The following HECW1 variants were observed in gnomAD, a reference collection of about 807,000 sequenced individuals.
HECW1 encodes HECT, C2 and WW domain containing E3 ubiquitin protein ligase 1, also known as E3 ubiquitin-protein ligase HECW1.
Under a neutral mutation model 182.3 loss-of-function variants are expected in HECW1, and 61 were observed. The observed-to-expected ratio is 0.33, with a 90% confidence interval of 0.27 to 0.41. HECW1 has a LOEUF of 0.41. HECW1 is among the 10% of genes least tolerant of loss of function. The pLI, the probability that HECW1 is intolerant of heterozygous loss-of-function variation, is 1.00. For missense variants in HECW1, 1,739 were observed against 2,108.9 expected (o/e 0.82, Z 3.44); for synonymous variants, 859 against 832.6 (o/e 1.03, Z -0.55).
chr7:43,497,709 T>A (rs2079173735), intron 19 of HECW1, among the ~76,000 whole-genome samples: 1 of 152,040 alleles, frequency 6.6e-6, no homozygotes, highest in Non-Finnish European at 1.5e-5. Context: ...ATACTGTGGA[T>A]GCAAAAACAA....
chr7:43,188,249 A>G (rs1297248516), intron 2 of HECW1, among the ~76,000 whole-genome samples: 1 of 152,220 alleles, frequency 6.6e-6, no homozygotes, highest in Non-Finnish European at 1.5e-5. Flanking sequence ...CCACAGATCA[A>G]CTAGCAATCT....
intron 3 of HECW1, among the ~76,000 whole-genome samples, chr7:43,292,689 A>G (rs865884279): frequency 6.6e-6 from 1 of 152,188 alleles, no homozygotes; most frequent in East Asian, 1.9e-4. Context: ...TCTTCCATTC[A>G]GCACATGTCA....
At chr7:43,274,129 G>A (rs758190631) in intron 3 of HECW1, 12 of 398,152 alleles carry the variant, frequency 3.0e-5, no homozygotes, top group Admixed American at 1.3e-4. Flanking sequence ...GGAGAAAAGC[G>A]CGGGTGGCGG....
chr7:43,158,482 AT>A (rs1379079396), intron 2 of HECW1, among the ~76,000 whole-genome samples: 2 of 152,186 alleles, frequency 1.3e-5, no homozygotes, highest in Non-Finnish European at 2.9e-5. Flanking sequence ...TCCTACAAGC[AT>A]TTTTTCATGC....
chr7:43,557,577 T>C lies in HECW1; in HGVS notation c.4709+2787T>C, dbSNP rs372208054. Among the ~76,000 whole-genome samples, 6 of 152,332 alleles carry C rather than the reference T, an allele frequency of 3.9e-5. No individual in the cohort carries two copies. The South Asian group carries it at 1.2e-3, about 32-fold the overall frequency. On this transcript the variant is annotated intron_variant, in intron 29 of 29. Coordinates refer to ENST00000395891, the MANE Select transcript of HECW1 (RefSeq NM_015052.5). ...GCTTGGGTGTTCACCCTGTCAGCCA[T>C]GTGGACTTAGTTGCCACACAGTCTG...
chr7:43,460,531 T>TGA (rs1222334282), intron 13 of HECW1, among the ~76,000 whole-genome samples: 1 of 152,074 alleles, frequency 6.6e-6, no homozygotes, highest in Non-Finnish European at 1.5e-5. Flanking sequence ...TACGTGTGTG[T>TGA]GCGCGCGTGC....
chr7:43,546,204 C>T (rs1052667968), intron 26 of HECW1, among the ~76,000 whole-genome samples: 3 of 149,578 alleles, frequency 2.0e-5, no homozygotes, highest in Non-Finnish European at 4.4e-5. Flanking sequence ...TATCTTGAAA[C>T]CCTTTACCCC....
chr7:43,546,452 G>A (rs982779167), intron 26 of HECW1, among the ~76,000 whole-genome samples: 7 of 151,794 alleles, frequency 4.6e-5, no homozygotes, highest in Non-Finnish European at 8.8e-5. Flanking sequence ...CCATAGTGTT[G>A]ACATCCTTTC....
intron 6 of HECW1, among the ~76,000 whole-genome samples, chr7:43,373,741 CT>C (rs2074210051): frequency 6.6e-6 from 1 of 152,176 alleles, no homozygotes; most frequent in Non-Finnish European, 1.5e-5. Flanking sequence ...ATCTCCAGGA[CT>C]TTTCATCTTC....
chr7:43,180,210 A>G (rs1792687564), intron 2 of HECW1, among the ~76,000 whole-genome samples: 2 of 101,800 alleles, frequency 2.0e-5, no homozygotes, highest in African/African-American at 8.9e-5. Flanking sequence ...CTGGTAATGA[A>G]TGTTTGCCCA....
chr7:43,494,839 G>A (rs1189169849), intron 19 of HECW1, among the ~76,000 whole-genome samples: 1 of 152,112 alleles, frequency 6.6e-6, no homozygotes. Flanking sequence ...TAAGCATAAT[G>A]TCCATGGTCT....
intron 6 of HECW1, among the ~76,000 whole-genome samples, chr7:43,376,990 G>T (rs543175823): frequency 6.6e-6 from 1 of 152,070 alleles, no homozygotes; most frequent in South Asian, 2.1e-4. Flanking sequence ...TAAAAGTCTT[G>T]AGAAAAATAA....
intron 5 of HECW1, among the ~76,000 whole-genome samples, chr7:43,350,313 A>T (rs1343440719): frequency 6.6e-6 from 1 of 152,132 alleles, no homozygotes; most frequent in Non-Finnish European, 1.5e-5. Flanking sequence ...CTTCATCTTA[A>T]CTTTAGATAA....
rs1407887936 is a variant in HECW1 at position 43,222,833 on chromosome 7, A to T, written c.-31-21042A>T. 2.0e-5 allele frequency among the ~76,000 whole-genome samples: 3 copies of T among 151,848 alleles called. No individual in the cohort carries two copies. In the South Asian group the frequency reaches 6.2e-4, roughly 32 times the overall value. On this transcript the variant is annotated intron_variant, in intron 2 of 29. Transcript: ENST00000395891. ...GGCCGTCTCAGGGCTCAGGGCTGTG[A>T]TCTTCTCTCCTGTCTCCACTCCCTG...
intron 24 of HECW1, among the ~76,000 whole-genome samples, chr7:43,527,984 A>G (rs1193866791): frequency 6.6e-6 from 1 of 152,246 alleles, no homozygotes; most frequent in Non-Finnish European, 1.5e-5. Flanking sequence ...CTAGAAAGTT[A>G]AATAACTAAA....
chr7:43,155,420 T>C (rs1348285882), intron 2 of HECW1, among the ~76,000 whole-genome samples: 1 of 152,148 alleles, frequency 6.6e-6, no homozygotes, highest in African/African-American at 2.4e-5. Flanking sequence ...TTCAAAGATA[T>C]TTTTTGGTTA....
At chr7:43,289,562 G>A (rs930966646) in intron 3 of HECW1, among the ~76,000 whole-genome samples, 7 of 152,212 alleles carry the variant, frequency 4.6e-5, no homozygotes, top group Non-Finnish European at 8.8e-5. Flanking sequence ...GAGGAGGAAC[G>A]AGGACCCTGG....
intron 2 of HECW1, among the ~76,000 whole-genome samples, chr7:43,166,401 C>T (rs1478311393): frequency 2.6e-5 from 4 of 152,152 alleles, no homozygotes; most frequent in East Asian, 1.9e-4. Context: ...AGGAGATTGA[C>T]TTTGAAATGG....
rs2074760564 is a variant in HECW1, at chr7:43,385,553, G to A, written c.556-11261G>A. Among the ~76,000 whole-genome samples, 3 of 151,752 alleles carry A rather than the reference G, an allele frequency of 2.0e-5. No individual in the cohort carries two copies. The South Asian group carries it at 6.3e-4, about 32-fold the overall frequency. Reference sequence around the variant, plus strand: ...GGGGCAGCTCCTACACCATGGCAGAGCCGTCCCTCAGAGAGCTGGGGTAAG... The same window carrying A: ...GGGGCAGCTCCTACACCATGGCAGAACCGTCCCTCAGAGAGCTGGGGTAAG... On this transcript the variant is annotated intron_variant, in intron 6 of 29. Transcript: ENST00000395891.
Sources: gnomAD v4.1 joint callset for allele counts (sites outside exome capture counted in the v4.1 genomes callset) on GRCh38, gnomAD v4.1.1 for gene constraint, MANE v1.5 for transcripts, NCBI Gene and HGNC (gene_info 2026-07-23, HGNC 2026-07-21) for gene names.